Variants in OSBPL3 observed in about 807,000 individuals in gnomAD.
The protein encoded by OSBPL3 is oxysterol-binding protein-related protein 3.
In OSBPL3, 65 loss-of-function variants were observed where a neutral mutation model predicts 120.1. The observed-to-expected ratio is 0.54, with a 90% CI of 0.44 to 0.67. The LOEUF is 0.67. Among genes scored for constraint, OSBPL3 ranks in the 30% least tolerant of loss-of-function variants. The probability of loss-of-function intolerance (pLI) is 0.00; values close to 1 mark genes in which losing one functional copy is unlikely to be tolerated. For synonymous variants in OSBPL3, 416 were observed against 402.6 expected, an observed-to-expected ratio of 1.03 and a Z score of -0.40; for missense variants, 1,004 against 1,082.1, an observed-to-expected ratio of 0.93 and a Z score of 1.01.
Position 24,833,373 on chromosome 7 carries a change from GAA to G in OSBPL3, c.1746+1111_1746+1112del, listed in dbSNP as rs1237962705. Among the ~76,000 whole-genome samples the G allele has an allele frequency of 6.6e-6, 1 of 152,200 alleles. No individual in the cohort carries two copies. The highest frequency in any genetic ancestry group is 2.4e-5 in the African/African-American group (1 of 41,440). ...ACAAAGACCCTGACTCAAAAAAAGAGAAAGTCTCTTTGATGGGGAGGCCCTGG... is the reference window on the plus strand; with the variant it reads ...ACAAAGACCCTGACTCAAAAAAAGAGAGTCTCTTTGATGGGGAGGCCCTGG... On this transcript the variant is annotated intron_variant, in intron 15 of 22. Coordinates refer to ENST00000313367, the MANE Select transcript of OSBPL3 (RefSeq NM_015550.4). The surrounding 1 kb of genome is among the most constrained non-coding windows in gnomAD (Gnocchi z 4.4).
rs1584487312 is a variant in OSBPL3 at position 24,881,306 on chromosome 7, G to A, written c.97-9237C>T. ...CTGGTTCTCATAATGAGAACCTAGT[G>A]ACAATGTTAAGATCTCAGAGAACTT... On this transcript the variant is annotated intron_variant, in intron 2 of 22. Transcript: ENST00000313367. This position sits in a 1 kb window ranked among gnomAD's most constrained non-coding sequence, Gnocchi z 4.3. 6.6e-6 allele frequency among the ~76,000 whole-genome samples: 1 copy of A among 152,298 alleles called. No individual in the cohort carries two copies. Among genetic ancestry groups the A allele is most frequent in the South Asian group, 2.1e-4 (1 of 4,826 alleles).
At chr7:24,921,981 A>G (rs1481443792) in intron 1 of OSBPL3, among the ~76,000 whole-genome samples, 2 of 152,208 alleles carry the variant, frequency 1.3e-5, no homozygotes, top group Non-Finnish European at 2.9e-5. Context: ...ATCAATACAG[A>G]TTCAATTTTT....
rs1342994107 is a variant in OSBPL3, at chr7:24,955,807, T to C, written c.-150+24079A>G. On this transcript the variant is annotated intron_variant, in intron 1 of 22. Coordinates refer to ENST00000313367, the MANE Select transcript of OSBPL3 (RefSeq NM_015550.4). The surrounding 1 kb of genome is among the most constrained non-coding windows in gnomAD (Gnocchi z 4.3). ...GGACCCACAAGGGGGCTTGACGCATTAGTAGGCATTCAATAAATATCTACA... is the reference window on the plus strand; with the variant it reads ...GGACCCACAAGGGGGCTTGACGCATCAGTAGGCATTCAATAAATATCTACA... 6.6e-6 allele frequency among the ~76,000 whole-genome samples: 1 copy of C among 152,220 alleles called. No individual in the cohort carries two copies. Among genetic ancestry groups the C allele is most frequent in the Non-Finnish European group, 1.5e-5 (1 of 68,038 alleles).
In OSBPL3 at chr7:24,883,970, AAGG is replaced by A. The variant is rs1328847612; in HGVS notation, c.96+8404_96+8406del. Among the ~76,000 whole-genome samples, 2 of 152,192 alleles carry A rather than the reference AAGG, an allele frequency of 1.3e-5. No homozygotes were observed. Among genetic ancestry groups the A allele is most frequent in the African/African-American group, 2.4e-5 (1 of 41,444 alleles). ...TAGGGGTGGCTAAAAGGTCAGCAGTAAGGAGGAGAAGTAAAAGGCCCAGAAAAT... is the reference window on the plus strand; with the variant it reads ...TAGGGGTGGCTAAAAGGTCAGCAGTAAGGAGAAGTAAAAGGCCCAGAAAAT... On this transcript the variant is annotated intron_variant, in intron 2 of 22. Coordinates refer to ENST00000313367, the MANE Select transcript of OSBPL3 (RefSeq NM_015550.4). The surrounding 1 kb of genome is among the most constrained non-coding windows in gnomAD (Gnocchi z 5.4).
chr7:24,804,166 G>T lies in OSBPL3; in HGVS notation c.2567+149C>A. Reference sequence around the variant, plus strand: ...AGGTAAGTGCGGGGGACAGGGCCTGGCACAGAGGAGCAGTACCCCCACGTG... The same window carrying T: ...AGGTAAGTGCGGGGGACAGGGCCTGTCACAGAGGAGCAGTACCCCCACGTG... On this transcript the variant is annotated intron_variant, in intron 22 of 22. Transcript: ENST00000313367. The surrounding 1 kb of genome is among the most constrained non-coding windows in gnomAD (Gnocchi z 5.4). 1 of 881,736 alleles carries T rather than the reference G, an allele frequency of 1.1e-6. No homozygotes were observed. Among genetic ancestry groups the T allele is most frequent in the Non-Finnish European group, 1.8e-6 (1 of 558,692 alleles). The allele number at this position is 881,736 out of a possible 1,614,324, so 54.6% of individuals were successfully genotyped here. A position where few individuals can be genotyped will look rare whatever the true frequency, so the allele number is the denominator to read the frequency against.
rs558695199 is a variant in OSBPL3, at chr7:24,970,495, C to T, written c.-150+9391G>A. 9.2e-5 allele frequency among the ~76,000 whole-genome samples: 14 copies of T among 152,266 alleles called. No homozygotes were observed. The East Asian group carries it at 2.7e-3, about 29-fold the overall frequency. ...CTCTGCAAAAGCATCTCCCTCACTC[C>T]TCCTGAGCTCCTATAGCACTTTAAT... is the stretch of plus-strand genomic sequence containing the variant. On this transcript the variant is annotated intron_variant, in intron 1 of 22. Coordinates refer to ENST00000313367, the MANE Select transcript of OSBPL3 (RefSeq NM_015550.4).
intron 1 of OSBPL3, among the ~76,000 whole-genome samples, chr7:24,974,266 C>A (rs182559012): frequency 1.3e-5 from 2 of 152,150 alleles, no homozygotes; most frequent in East Asian, 3.8e-4. Flanking sequence ...CCCTCCTCAC[C>A]CCCAGATTAT....
intron 19 of OSBPL3, among the ~76,000 whole-genome samples, chr7:24,811,550 G>C (rs897212778): frequency 1.2e-4 from 18 of 152,076 alleles, no homozygotes; most frequent in African/African-American, 4.3e-4. Flanking sequence ...CTGTGCTTTT[G>C]GGGTCATATC....
At chr7:24,945,690 C>T (rs767878277) in intron 1 of OSBPL3, among the ~76,000 whole-genome samples, 7 of 152,136 alleles carry the variant, frequency 4.6e-5, no homozygotes, top group African/African-American at 7.2e-5. Context: ...AGTCTAGAGT[C>T]CCTTTGCAAC....
chr7:24,960,580 G>A (rs1348848117), intron 1 of OSBPL3, among the ~76,000 whole-genome samples: 1 of 151,874 alleles, frequency 6.6e-6, no homozygotes, highest in Non-Finnish European at 1.5e-5. Flanking sequence ...CAGATGAACA[G>A]GCCCAAACAC....
chr7:24,803,215 C>G lies in OSBPL3; in HGVS notation c.2567+1100G>C, dbSNP rs1792589973. On this transcript the variant is annotated intron_variant, in intron 22 of 22. Transcript: ENST00000313367. The surrounding 1 kb of genome is among the most constrained non-coding windows in gnomAD (Gnocchi z 4.2). ...AACATCCCAAAACAATGAAAAGACA[C>G]TGGTGGCCCTGGAAGGACTTGGGCA... 6.6e-6 allele frequency among the ~76,000 whole-genome samples: 1 copy of G among 152,196 alleles called. No homozygotes were observed. The highest frequency in any genetic ancestry group is 2.1e-4 in the South Asian group (1 of 4,826).
At chr7:24,962,708 T>C (rs1305057152) in intron 1 of OSBPL3, among the ~76,000 whole-genome samples, 2 of 152,186 alleles carry the variant, frequency 1.3e-5, no homozygotes, top group African/African-American at 4.8e-5. Flanking sequence ...GGCTAAGACA[T>C]GGCAAGAAAC....
rs912921078 is a variant in OSBPL3, at chr7:24,872,448, A to AGAGAGTGTGT, written c.97-380_97-379insACACACTCTC. Among the ~76,000 whole-genome samples, 209 of 144,984 alleles carry AGAGAGTGTGT rather than the reference A, an allele frequency of 1.4e-3. 1 individual carries two copies. Among genetic ancestry groups the AGAGAGTGTGT allele is most frequent in the African/African-American group, 5.0e-3 (195 of 38,816 alleles). On this transcript the variant is annotated intron_variant, in intron 2 of 22. Coordinates refer to ENST00000313367, the MANE Select transcript of OSBPL3 (RefSeq NM_015550.4). The surrounding 1 kb of genome is among the most constrained non-coding windows in gnomAD (Gnocchi z 4.1). ...TCAGTCTGAATTTTAACCGAAAGAG[A>AGAGAGTGTGT]GTGTGTGTGTGTGTGTGTGTGTGTG...
intron 1 of OSBPL3, among the ~76,000 whole-genome samples, chr7:24,979,307 G>A (rs1817935762): frequency 6.6e-6 from 1 of 150,986 alleles, no homozygotes. Context: ...AAAAATTCCA[G>A]AAGGGGCCAG....
chr7:24,820,036 G>A lies in OSBPL3; in HGVS notation c.1948+139C>T, dbSNP rs928205095. On this transcript the variant is annotated intron_variant, in intron 17 of 22. Coordinates refer to ENST00000313367, the MANE Select transcript of OSBPL3 (RefSeq NM_015550.4). This position sits in a 1 kb window ranked among gnomAD's most constrained non-coding sequence, Gnocchi z 4.6. ...AAGTGAGAGATGAGAGGCAAGAACAGGTGGCGCAGATCCTTCCAACCAGGC... is the reference window on the plus strand; with the variant it reads ...AAGTGAGAGATGAGAGGCAAGAACAAGTGGCGCAGATCCTTCCAACCAGGC... 5.4e-6 allele frequency: 3 copies of A among 560,100 alleles called. No individual in the cohort carries two copies. Among genetic ancestry groups the A allele is most frequent in the Admixed American group, 6.0e-5 (2 of 33,236 alleles). 34.7% of individuals were successfully genotyped at this position (560,100 alleles called of 1,614,324 possible).
chr7:24,849,518 C>A lies in OSBPL3; in HGVS notation c.1159-342G>T, dbSNP rs140598024. Among the ~76,000 whole-genome samples, 5 of 152,330 alleles carry A rather than the reference C, an allele frequency of 3.3e-5. No individual in the cohort carries two copies. The highest frequency in any genetic ancestry group is 1.2e-4 in the African/African-American group (5 of 41,572). On this transcript the variant is annotated intron_variant, in intron 11 of 22. Transcript: ENST00000313367. The surrounding 1 kb of genome is among the most constrained non-coding windows in gnomAD (Gnocchi z 5.4). ...CACAGCATCTCCTCCTCCTCCCCAA[C>A]TGTCTGGAGTCTCTTTGGCCAAATC...
At chr7:24,850,557 G>C (rs1799021465) in intron 11 of OSBPL3, among the ~76,000 whole-genome samples, 1 of 152,098 alleles carries the variant, frequency 6.6e-6, no homozygotes, top group Non-Finnish European at 1.5e-5. Flanking sequence ...AGGGATGCTG[G>C]CTTTGTTTTT....
chr7:24,968,074 G>T lies in OSBPL3; in HGVS notation c.-150+11812C>A, dbSNP rs1466165807. On this transcript the variant is annotated intron_variant, in intron 1 of 22. Coordinates refer to ENST00000313367, the MANE Select transcript of OSBPL3 (RefSeq NM_015550.4). The surrounding 1 kb of genome is among the most constrained non-coding windows in gnomAD (Gnocchi z 4.6). ...CATTTACTTGGAATAATATTCAAAAGGTATAATTTCAACTTCACACCTATC... is the reference window on the plus strand; with the variant it reads ...CATTTACTTGGAATAATATTCAAAATGTATAATTTCAACTTCACACCTATC... 6.6e-6 allele frequency among the ~76,000 whole-genome samples: 1 copy of T among 152,150 alleles called. No individual in the cohort carries two copies. Among genetic ancestry groups the T allele is most frequent in the African/African-American group, 2.4e-5 (1 of 41,420 alleles).
rs1448450915 is a variant in OSBPL3 at position 24,938,460 on chromosome 7, A to C, written c.-150+41426T>G. Among the ~76,000 whole-genome samples the C allele has an allele frequency of 2.0e-5, 3 of 152,242 alleles. No individual in the cohort carries two copies. The highest frequency in any genetic ancestry group is 2.9e-5 in the Non-Finnish European group (2 of 68,032). On this transcript the variant is annotated intron_variant, in intron 1 of 22. Transcript: ENST00000313367. This position sits in a 1 kb window ranked among gnomAD's most constrained non-coding sequence, Gnocchi z 5.8. ...GCCACATGAAAATCCACAGGTAGGC[A>C]TTCCAAAGCTGATATGGCAGCTTCA...
Sources: gnomAD v4.1 joint callset for allele counts (sites outside exome capture counted in the v4.1 genomes callset) on GRCh38, gnomAD v4.1.1 for gene constraint, Gnocchi (gnomAD v3.1) non-coding constraint, MANE v1.5 for transcripts, NCBI Gene and HGNC (gene_info 2026-07-23, HGNC 2026-07-21) for gene names.